The following KCNB2 variants were observed in gnomAD, a reference collection of about 807,000 sequenced individuals.
KCNB2 encodes the protein potassium voltage-gated channel subfamily B member 2.
Under a neutral mutation model 61.5 loss-of-function variants are expected in KCNB2, and 15 were observed. The ratio of observed to expected loss-of-function variants is 0.24; its 90% CI spans 0.16 to 0.38. The LOEUF (loss-of-function observed/expected upper bound fraction) is 0.38. Ranked by LOEUF, KCNB2 falls within the 10% of genes least tolerant of loss-of-function variation. The pLI is 1.00. For missense variants in KCNB2, 828 were observed against 1,125.2 expected, an observed-to-expected ratio of 0.74 and a Z score of 3.78; for synonymous variants, 457 against 446.0, an observed-to-expected ratio of 1.02 and a Z score of -0.31.
At chr8:72,682,202 G>A (rs1806767982) in intron 2 of KCNB2, among the ~76,000 whole-genome samples, 1 of 152,082 alleles carries the variant, frequency 6.6e-6, no homozygotes, top group Non-Finnish European at 1.5e-5. Flanking sequence ...ACTGTGTTCA[G>A]GTCATGATAA....
At chr8:72,744,556 A>G (rs1176948892) in intron 2 of KCNB2, among the ~76,000 whole-genome samples, 2 of 152,188 alleles carry the variant, frequency 1.3e-5, no homozygotes, top group Non-Finnish European at 2.9e-5. Flanking sequence ...AAGCCCTTTA[A>G]AGAAAATAAG....
rs142592858 is a variant in KCNB2 at position 72,570,345 on chromosome 8, T to A, written c.579+2032T>A. ...TAAGTAAATCTTCACTATAAGTTGA[T>A]TCTTTACTAAATTTCCATACAGGAT... On this transcript the variant is annotated intron_variant, in intron 2 of 2. Coordinates refer to ENST00000523207, the MANE Select transcript of KCNB2 (RefSeq NM_004770.3). Among the ~76,000 whole-genome samples the A allele has an allele frequency of 4.4e-3, 674 of 152,326 alleles. 2 individuals are homozygous for A. Among genetic ancestry groups the A allele is most frequent in the Non-Finnish European group, 7.3e-3 (499 of 67,990 alleles).
At chr8:72,920,306 G>A (rs1032521348) in intron 2 of KCNB2, among the ~76,000 whole-genome samples, 1 of 151,122 alleles carries the variant, frequency 6.6e-6, no homozygotes, top group African/African-American at 2.4e-5. Flanking sequence ...AAATATTGAA[G>A]GATTTCATCA....
chr8:72,776,014 G>A (rs993179378), intron 2 of KCNB2, among the ~76,000 whole-genome samples: 2 of 152,138 alleles, frequency 1.3e-5, no homozygotes, highest in Admixed American at 6.6e-5. Flanking sequence ...ATGTCCATCA[G>A]TGATAGACTG....
intron 2 of KCNB2, among the ~76,000 whole-genome samples, chr8:72,862,476 T>C (rs975215353): frequency 7.2e-5 from 11 of 152,290 alleles, no homozygotes; most frequent in African/African-American, 2.6e-4. Flanking sequence ...AAATTTTTAG[T>C]AGTTACTAAA....
At chr8:72,556,312 A>G (rs141155294) in intron 1 of KCNB2, among the ~76,000 whole-genome samples, 8 of 151,896 alleles carry the variant, frequency 5.3e-5, no homozygotes, top group Non-Finnish European at 8.8e-5. Context: ...TTACTTTTTT[A>G]CCATTAATTA....
chr8:72,845,130 A>T (rs1333146144), intron 2 of KCNB2, among the ~76,000 whole-genome samples: 5 of 151,990 alleles, frequency 3.3e-5, no homozygotes, highest in Non-Finnish European at 5.9e-5. Context: ...TTTTGTGTGG[A>T]TGTCCCTTTT....
intron 2 of KCNB2, among the ~76,000 whole-genome samples, chr8:72,595,984 T>C (rs1225684753): frequency 6.6e-6 from 1 of 152,136 alleles, no homozygotes; most frequent in Non-Finnish European, 1.5e-5. Context: ...GCTTCCTGAC[T>C]CCTGGTCTCA....
intron 2 of KCNB2, among the ~76,000 whole-genome samples, chr8:72,815,187 A>G (rs1446419747): frequency 2.6e-5 from 4 of 152,172 alleles, no homozygotes; most frequent in African/African-American, 9.7e-5. Context: ...CCTCCTTTTA[A>G]TATTAAGGAA....
intron 2 of KCNB2, among the ~76,000 whole-genome samples, chr8:72,722,345 A>T (rs920840836): frequency 6.6e-6 from 1 of 152,148 alleles, no homozygotes; most frequent in Non-Finnish European, 1.5e-5. Context: ...TTGCTTGCAC[A>T]ATTAAGGCAA....
intron 2 of KCNB2, among the ~76,000 whole-genome samples, chr8:72,673,737 A>T (rs1806603883): frequency 6.6e-6 from 1 of 152,208 alleles, no homozygotes. Flanking sequence ...ATGTACATAG[A>T]ATAGACAAAT....
At chr8:72,797,969 C>A (rs992497083) in intron 2 of KCNB2, among the ~76,000 whole-genome samples, 1 of 152,110 alleles carries the variant, frequency 6.6e-6, no homozygotes, top group African/African-American at 2.4e-5. Context: ...TCTCACTTGT[C>A]CTTTACAACA....
intron 2 of KCNB2, among the ~76,000 whole-genome samples, chr8:72,904,200 A>G (rs770999062): frequency 2.0e-5 from 3 of 152,170 alleles, no homozygotes; most frequent in Non-Finnish European, 4.4e-5. Flanking sequence ...GTGCTTACAG[A>G]TAAGTATAGC....
intron 2 of KCNB2, among the ~76,000 whole-genome samples, chr8:72,842,403 G>A (rs1809908399): frequency 6.6e-6 from 1 of 152,016 alleles, no homozygotes; most frequent in African/African-American, 2.4e-5. Context: ...TTCTTTTTTT[G>A]TTGTGTCTCT....
intron 2 of KCNB2, among the ~76,000 whole-genome samples, chr8:72,869,363 C>T (rs1483348351): frequency 6.6e-6 from 1 of 152,108 alleles, no homozygotes; most frequent in Non-Finnish European, 1.5e-5. Context: ...TTTCATGGGC[C>T]TCAGGCACTT....
chr8:72,640,603 C>G (rs1219744721), intron 2 of KCNB2, among the ~76,000 whole-genome samples: 3 of 151,892 alleles, frequency 2.0e-5, no homozygotes, highest in Non-Finnish European at 4.4e-5. Context: ...TTAGAAACTT[C>G]ATTAAAATTT....
intron 2 of KCNB2, among the ~76,000 whole-genome samples, chr8:72,642,454 C>A (rs1806070920): frequency 6.6e-6 from 1 of 152,050 alleles, no homozygotes; most frequent in Non-Finnish European, 1.5e-5. Flanking sequence ...ATAAAGAACA[C>A]AGAGGCACAG....
chr8:72,851,242 G>A (rs1000257549), intron 2 of KCNB2, among the ~76,000 whole-genome samples: 5 of 152,270 alleles, frequency 3.3e-5, no homozygotes, highest in South Asian at 2.1e-4. Context: ...TCTCAAGTAC[G>A]TGTGAAACTT....
chr8:72,831,458 G>A (rs1242026617), intron 2 of KCNB2, among the ~76,000 whole-genome samples: 1 of 152,162 alleles, frequency 6.6e-6, no homozygotes, highest in East Asian at 1.9e-4. Flanking sequence ...AAGGACTGTA[G>A]ATTGTTTGCA....
Sources: allele counts gnomAD v4.1 joint callset (sites outside exome capture counted in the v4.1 genomes callset), GRCh38; gene constraint gnomAD v4.1.1; transcripts MANE v1.5; gene names NCBI Gene and HGNC (gene_info 2026-07-23, HGNC 2026-07-21).